The following GNAL variants were observed in gnomAD, a reference collection of about 807,000 sequenced individuals.
GNAL encodes G protein subunit alpha L.
In GNAL, 18 loss-of-function variants were observed where a neutral mutation model predicts 55.1. That is an observed-to-expected ratio of 0.33 (90% CI 0.23 to 0.48). GNAL has a LOEUF of 0.48. Among genes scored for constraint, GNAL ranks in the 20% least tolerant of loss-of-function variants. The pLI is 0.99. For missense variants in GNAL, 412 were observed against 614.1 expected, an observed-to-expected ratio of 0.67 and a Z score of 3.48; for synonymous variants, 253 against 237.0, an observed-to-expected ratio of 1.07 and a Z score of -0.62.
chr18:11,808,879 T>C (rs917904184), intron 4 of GNAL, among the ~76,000 whole-genome samples: 2 of 152,238 alleles, frequency 1.3e-5, no homozygotes, highest in African/African-American at 4.8e-5. Context: ...AACATCATGC[T>C]AAGTCAGAGA....
intron 4 of GNAL, among the ~76,000 whole-genome samples, chr18:11,771,072 G>T (rs772088273): frequency 6.6e-6 from 1 of 152,010 alleles, no homozygotes; most frequent in Non-Finnish European, 1.5e-5. Context: ...CAAAAAATTA[G>T]CCAGGCGTGG....
At chr18:11,726,478 C>T (rs111770478) in intron 1 of GNAL, among the ~76,000 whole-genome samples, 2 of 152,268 alleles carry the variant, frequency 1.3e-5, no homozygotes, top group African/African-American at 2.4e-5. Context: ...CGAAGTGGAC[C>T]GCAGAATTCA....
intron 4 of GNAL, among the ~76,000 whole-genome samples, chr18:11,786,861 T>G (rs1332076072): frequency 6.6e-6 from 1 of 152,110 alleles, no homozygotes. Flanking sequence ...AACTACTGAT[T>G]CAAACTATGT....
At position 11,881,430 on chromosome 18, in the gene GNAL, C is replaced by A; in HGVS notation, c.*295C>A. On this transcript the variant is annotated 3_prime_UTR_variant, in exon 12 of 12. Coordinates refer to ENST00000334049, the MANE Select transcript of GNAL (RefSeq NM_182978.4). This position sits in a 1 kb window ranked among gnomAD's most constrained non-coding sequence, Gnocchi z 4.8. ...ATTATTCATTCTCCCTTTATTGATT[C>A]ATCGAGGAGAACTTGGTAGATGGGG... is the stretch of plus-strand genomic sequence containing the variant. 3.4e-6 allele frequency: 1 copy of A among 295,270 alleles called. No homozygotes were observed. Among genetic ancestry groups the A allele is most frequent in the Non-Finnish European group, 6.4e-6 (1 of 155,478 alleles). 18.3% of individuals were successfully genotyped at this position (295,270 alleles called of 1,614,324 possible).
intron 10 of GNAL, among the ~76,000 whole-genome samples, chr18:11,874,712 G>A (rs555606768): frequency 4.0e-5 from 6 of 149,110 alleles, no homozygotes; most frequent in Admixed American, 1.3e-4. Flanking sequence ...GAGTATGTCA[G>A]TGACCCCCAC....
At chr18:11,845,630 C>G (rs1300833884) in intron 5 of GNAL, among the ~76,000 whole-genome samples, 4 of 151,972 alleles carry the variant, frequency 2.6e-5, no homozygotes, top group Non-Finnish European at 5.9e-5. Context: ...AAAATGCTCT[C>G]CAACTAGAGG....
rs1567920381 is a variant in GNAL at position 11,885,005 on chromosome 18, G to A, written c.*3870G>A. Reference sequence around the variant, plus strand: ...CAGCGAGGAACAAGGAGGGAAAGGTGTCTTCCTGCCCCTTGATGCTCAACT... The same window carrying A: ...CAGCGAGGAACAAGGAGGGAAAGGTATCTTCCTGCCCCTTGATGCTCAACT... On this transcript the variant is annotated 3_prime_UTR_variant, in exon 12 of 12. Coordinates refer to ENST00000334049, the MANE Select transcript of GNAL (RefSeq NM_182978.4). The A allele has an allele frequency of 3.1e-6, 4 of 1,300,660 alleles. No individual in the cohort carries two copies. The highest frequency in any genetic ancestry group is 5.3e-5 in the East Asian group (1 of 18,774). The allele number at this position is 1,300,660 out of a possible 1,614,324, so 80.6% of individuals were successfully genotyped here. A position where few individuals can be genotyped will look rare whatever the true frequency, so the allele number is the denominator to read the frequency against.
At chr18:11,867,628 C>G (rs1028857403) in intron 8 of GNAL, among the ~76,000 whole-genome samples, 1 of 151,132 alleles carries the variant, frequency 6.6e-6, no homozygotes, top group African/African-American at 2.4e-5. Context: ...TCCTGGCTAA[C>G]GAGGTGAAAC....
chr18:11,800,240 A>G (rs2034488961), intron 4 of GNAL, among the ~76,000 whole-genome samples: 1 of 152,102 alleles, frequency 6.6e-6, no homozygotes, highest in Non-Finnish European at 1.5e-5. Flanking sequence ...GTGATGATAG[A>G]TGGAACATAG....
intron 5 of GNAL, among the ~76,000 whole-genome samples, chr18:11,848,570 T>C (rs12607581): frequency 0.33 from 50,004 of 151,426 alleles, 9,423 homozygotes; most frequent in African/African-American, 0.51. Context: ...GATTCTCCTG[T>C]CTCAGCCTTC....
chr18:11,730,573 G>T (rs913155448), intron 1 of GNAL, among the ~76,000 whole-genome samples: 1 of 151,840 alleles, frequency 6.6e-6, no homozygotes, highest in African/African-American at 2.4e-5. Flanking sequence ...AGACCAGCCT[G>T]GCCAACATGG....
intron 11 of GNAL, among the ~76,000 whole-genome samples, chr18:11,879,543 C>G (rs942391612): frequency 6.6e-6 from 1 of 152,184 alleles, no homozygotes; most frequent in Non-Finnish European, 1.5e-5. Context: ...CCTCTTCTCT[C>G]TAGGACACCA....
chr18:11,800,764 A>G (rs1306843861), intron 4 of GNAL, among the ~76,000 whole-genome samples: 2 of 152,230 alleles, frequency 1.3e-5, no homozygotes, highest in African/African-American at 4.8e-5. Context: ...TGTCATAGGA[A>G]GGAAAGCCAC....
intron 4 of GNAL, among the ~76,000 whole-genome samples, chr18:11,817,748 C>T (rs1052213216): frequency 1.3e-5 from 2 of 151,608 alleles, no homozygotes; most frequent in East Asian, 1.9e-4. Context: ...GCCACAACAC[C>T]GGGCTAATTT....
intron 4 of GNAL, among the ~76,000 whole-genome samples, chr18:11,763,069 T>G (rs1420848952): frequency 1.3e-5 from 2 of 151,270 alleles, no homozygotes; most frequent in African/African-American, 4.8e-5. Context: ...TAAATTCCAT[T>G]TTTTTCTTTG....
chr18:11,702,608 T>A (rs1230804010), intron 1 of GNAL, among the ~76,000 whole-genome samples: 1 of 152,180 alleles, frequency 6.6e-6, no homozygotes, highest in African/African-American at 2.4e-5. Context: ...CTGTCAGGCT[T>A]CAGTCTACAA....
In GNAL at chr18:11,862,382, G is replaced by T; in HGVS notation, c.723-13G>T. 6.2e-7 allele frequency: 1 copy of T among 1,612,130 alleles called. No homozygotes were observed. Among genetic ancestry groups the T allele is most frequent in the African/African-American group, 1.3e-5 (1 of 74,980 alleles). On this transcript the variant is annotated splice_polypyrimidine_tract_variant and intron_variant, in intron 5 of 11. Coordinates refer to ENST00000334049, the MANE Select transcript of GNAL (RefSeq NM_182978.4). Reference sequence around the variant, plus strand: ...AGAGAACAGGCCTCAACCCTTGCTGGCTTTCTTTGCAGCTTCCTGGAAAGA... The same window carrying T: ...AGAGAACAGGCCTCAACCCTTGCTGTCTTTCTTTGCAGCTTCCTGGAAAGA...
chr18:11,774,589 T>C (rs2033726439), intron 4 of GNAL, among the ~76,000 whole-genome samples: 1 of 152,102 alleles, frequency 6.6e-6, no homozygotes, highest in Non-Finnish European at 1.5e-5. Context: ...GGGTGGAGAA[T>C]GGTGGCTCAT....
rs1385606153 is a variant in GNAL, at chr18:11,881,908, G to T, written c.*773G>T. 6.6e-6 allele frequency: 1 copy of T among 152,552 alleles called. No individual in the cohort carries two copies. The highest frequency in any genetic ancestry group is 2.4e-5 in the African/African-American group (1 of 41,396). 9.4% of individuals were successfully genotyped at this position (152,552 alleles called of 1,614,324 possible). On this transcript the variant is annotated 3_prime_UTR_variant, in exon 12 of 12. Coordinates refer to ENST00000334049, the MANE Select transcript of GNAL (RefSeq NM_182978.4). The surrounding 1 kb of genome is among the most constrained non-coding windows in gnomAD (Gnocchi z 4.8). ...TAACTACTAAAGAAAAATCCTTGTA[G>T]ATCTTTGTGCCTTCACCATGGCTAT... is the stretch of plus-strand genomic sequence containing the variant.
Sources: gnomAD v4.1 joint callset for allele counts (sites outside exome capture counted in the v4.1 genomes callset) on GRCh38, gnomAD v4.1.1 for gene constraint, Gnocchi (gnomAD v3.1) non-coding constraint, MANE v1.5 for transcripts, NCBI Gene and HGNC (gene_info 2026-07-23, HGNC 2026-07-21) for gene names.